MAGI2: variants seen among roughly 807,000 people sequenced by gnomAD.
MAGI2 encodes the protein membrane-associated guanylate kinase, WW and PDZ domain-containing protein 2.
A neutral mutation model predicts 133.3 loss-of-function variants in MAGI2; 35 were observed. That is an observed-to-expected ratio of 0.26 (90% confidence interval 0.20 to 0.35). The LOEUF is 0.35. Among genes scored for constraint, MAGI2 ranks in the 10% least tolerant of loss-of-function variants. The pLI is 1.00. For missense variants in MAGI2, 1,636 were observed against 1,863.4 expected, an observed-to-expected ratio of 0.88 and a Z score of 2.25; for synonymous variants, 729 against 710.6, an observed-to-expected ratio of 1.03 and a Z score of -0.41.
intron 1 of MAGI2, among the ~76,000 whole-genome samples, chr7:79,251,051 C>G (rs1465827640): frequency 1.3e-5 from 2 of 152,130 alleles, no homozygotes; most frequent in African/African-American, 4.8e-5. Flanking sequence ...AAGAATGAAA[C>G]TAGACCCTTA....
chr7:79,251,195 T>C (rs1334270846), intron 1 of MAGI2, among the ~76,000 whole-genome samples: 2 of 151,988 alleles, frequency 1.3e-5, no homozygotes, highest in East Asian at 3.9e-4. Context: ...TTTTTAGTAG[T>C]ACCCAACAGG....
intron 1 of MAGI2, among the ~76,000 whole-genome samples, chr7:79,008,146 A>T (rs963102083): frequency 2.6e-5 from 4 of 152,150 alleles, no homozygotes; most frequent in Admixed American, 6.6e-5. Flanking sequence ...AACTCTTATT[A>T]TTTCAATCAA....
chr7:78,185,056 C>T (rs80139682), intron 13 of MAGI2, among the ~76,000 whole-genome samples: 9 of 152,124 alleles, frequency 5.9e-5, no homozygotes, highest in African/African-American at 1.7e-4. Context: ...ATGTAAGCCA[C>T]ATAAGTAATT....
chr7:79,286,864 A>G (rs549016338), intron 1 of MAGI2, among the ~76,000 whole-genome samples: 240 of 152,174 alleles, frequency 1.6e-3, no homozygotes, highest in African/African-American at 5.5e-3. Flanking sequence ...AAAAAATTGT[A>G]TGAATTTATG....
At chr7:78,543,156 G>A (rs1213875357) in intron 3 of MAGI2, among the ~76,000 whole-genome samples, 4 of 152,070 alleles carry the variant, frequency 2.6e-5, no homozygotes, top group African/African-American at 9.7e-5. Flanking sequence ...TCAAGGAAAA[G>A]GACAAAAGCT....
intron 2 of MAGI2, among the ~76,000 whole-genome samples, chr7:78,959,782 T>A (rs567281673): frequency 1.3e-5 from 2 of 152,184 alleles, no homozygotes; most frequent in Non-Finnish European, 2.9e-5. Context: ...TGTTTTAGTA[T>A]GCTGTATGAA....
Position 78,340,133 on chromosome 7 carries a change from G to T in MAGI2, c.1408+3645C>A, listed in dbSNP as rs562982667. Reference sequence around the variant, plus strand: ...TCTCCAAAGGAATTCTCTAATTTTTGTATCTATTAGAACTGATTGAGTTTA... The same window carrying T: ...TCTCCAAAGGAATTCTCTAATTTTTTTATCTATTAGAACTGATTGAGTTTA... On this transcript the variant is annotated intron_variant, in intron 9 of 21. Coordinates refer to ENST00000354212, the MANE Select transcript of MAGI2 (RefSeq NM_012301.4). Among the ~76,000 whole-genome samples the T allele has an allele frequency of 3.3e-5, 5 of 152,142 alleles. No homozygotes were observed. In the South Asian group the frequency reaches 1.0e-3, roughly 32 times the overall value.
At chr7:78,719,384 C>G (rs1384546403) in intron 2 of MAGI2, among the ~76,000 whole-genome samples, 1 of 151,732 alleles carries the variant, frequency 6.6e-6, no homozygotes, top group Non-Finnish European at 1.5e-5. Context: ...AAAAAAAATC[C>G]AACTGTAAGT....
intron 20 of MAGI2, among the ~76,000 whole-genome samples, chr7:78,088,720 G>A (rs1816885922): frequency 1.3e-5 from 2 of 152,128 alleles, no homozygotes; most frequent in South Asian, 2.1e-4. Context: ...CACCAAGGCA[G>A]GAGCAAAGGG....
chr7:79,398,975 T>A lies in MAGI2; in HGVS notation c.301+54045A>T, dbSNP rs375525772. ...CCTAAATTGGCCAAGCTATTCCATGTTCAAAATATTTCCTTCACTTAACAA... is the reference window on the plus strand; with the variant it reads ...CCTAAATTGGCCAAGCTATTCCATGATCAAAATATTTCCTTCACTTAACAA... On this transcript the variant is annotated intron_variant, in intron 1 of 21. Coordinates refer to ENST00000354212, the MANE Select transcript of MAGI2 (RefSeq NM_012301.4). Among the ~76,000 whole-genome samples, 49 of 152,218 alleles carry A rather than the reference T, an allele frequency of 3.2e-4. No homozygotes were observed. The South Asian group carries it at 7.7e-3, about 24-fold the overall frequency.
intron 15 of MAGI2, among the ~76,000 whole-genome samples, chr7:78,163,645 G>C (rs1825317401): frequency 6.6e-6 from 1 of 152,010 alleles, no homozygotes; most frequent in Non-Finnish European, 1.5e-5. Context: ...TTCGATAATT[G>C]TTAAAACTAA....
intron 10 of MAGI2, among the ~76,000 whole-genome samples, chr7:78,222,126 GT>G (rs1343824477): frequency 1.3e-5 from 2 of 152,016 alleles, no homozygotes; most frequent in Non-Finnish European, 2.9e-5. Context: ...TTTATGCTGG[GT>G]TTAATATGTT....
At chr7:78,375,058 G>T (rs993100765) in intron 6 of MAGI2, among the ~76,000 whole-genome samples, 1 of 151,894 alleles carries the variant, frequency 6.6e-6, no homozygotes, top group Non-Finnish European at 1.5e-5. Flanking sequence ...GGCAAGGCTG[G>T]TCTCCAACTC....
chr7:78,915,653 T>A lies in MAGI2; in HGVS notation c.418+91437A>T, dbSNP rs1056416729. Among the ~76,000 whole-genome samples the A allele has an allele frequency of 4.6e-5, 7 of 152,134 alleles. No homozygotes were observed. The South Asian group carries it at 1.5e-3, about 32-fold the overall frequency. ...TCATATAGCTGGGCTTTCGTAATTT[T>A]TTTTTTGTTTTATTTTGTTTTACAG... On this transcript the variant is annotated intron_variant, in intron 2 of 21. Transcript: ENST00000354212.
chr7:78,961,421 A>G (rs1379794722), intron 2 of MAGI2, among the ~76,000 whole-genome samples: 1 of 152,116 alleles, frequency 6.6e-6, no homozygotes, highest in African/African-American at 2.4e-5. Context: ...TATCCCAGAA[A>G]AACATCTCCT....
intron 1 of MAGI2, among the ~76,000 whole-genome samples, chr7:79,379,375 G>A (rs1319066107): frequency 2.0e-5 from 3 of 151,864 alleles, no homozygotes; most frequent in Admixed American, 6.6e-5. Context: ...TGGGCATTTG[G>A]GTTGGTTCAA....
intron 1 of MAGI2, among the ~76,000 whole-genome samples, chr7:79,045,049 T>C (rs941932200): frequency 1.3e-5 from 2 of 152,164 alleles, no homozygotes; most frequent in African/African-American, 2.4e-5. Context: ...ATCCATAGAA[T>C]AGTGGGTTAA....
At chr7:78,600,732 G>GGT (rs746239707) in intron 3 of MAGI2, among the ~76,000 whole-genome samples, 15 of 151,156 alleles carry the variant, frequency 9.9e-5, no homozygotes, top group East Asian at 9.7e-4. Context: ...CACGAGGGGA[G>GGT]GTGTGTGTGT....
intron 20 of MAGI2, among the ~76,000 whole-genome samples, chr7:78,085,253 G>A (rs1354283130): frequency 6.6e-6 from 1 of 152,136 alleles, no homozygotes; most frequent in African/African-American, 2.4e-5. Context: ...AACAGGCTGG[G>A]CATGTTGGCT....
Sources: allele counts gnomAD v4.1 joint callset (sites outside exome capture counted in the v4.1 genomes callset), GRCh38; gene constraint gnomAD v4.1.1; transcripts MANE v1.5; gene names NCBI Gene and HGNC (gene_info 2026-07-23, HGNC 2026-07-21).